The following UBE3C variants were observed in gnomAD, a reference collection of about 807,000 sequenced individuals.
UBE3C encodes the protein ubiquitin-protein ligase E3C.
In UBE3C, 42 loss-of-function variants were observed where a neutral mutation model predicts 129.4. That is an observed-to-expected ratio of 0.32 (90% CI 0.25 to 0.42). The LOEUF (loss-of-function observed/expected upper bound fraction) is 0.42. Among genes scored for constraint, UBE3C ranks in the 10% least tolerant of loss-of-function variants. The pLI is 1.00. For missense variants in UBE3C, 1,049 were observed against 1,319.1 expected, an observed-to-expected ratio of 0.80 and a Z score of 3.17; for synonymous variants, 510 against 492.4, an observed-to-expected ratio of 1.04 and a Z score of -0.47.
chr7:157,227,677 C>T (rs778291186), intron 17 of UBE3C, among the ~76,000 whole-genome samples: 6 of 150,868 alleles, frequency 4.0e-5, no homozygotes, highest in Non-Finnish European at 7.4e-5. Flanking sequence ...TCCAGCCTGG[C>T]AACAGAGTGA....
intron 4 of UBE3C, among the ~76,000 whole-genome samples, chr7:157,173,130 T>C (rs1808423300): frequency 6.6e-6 from 1 of 152,234 alleles, no homozygotes; most frequent in South Asian, 2.1e-4. Context: ...TACCAACACT[T>C]TGTGGGGCTG....
At chr7:157,140,827 G>T (rs891045507) in intron 1 of UBE3C, among the ~76,000 whole-genome samples, 1 of 152,230 alleles carries the variant, frequency 6.6e-6, no homozygotes, top group African/African-American at 2.4e-5. Context: ...AGGGAAGATA[G>T]CACGAGCTGT....
chr7:157,204,418 A>AT (rs1809376407), intron 11 of UBE3C, among the ~76,000 whole-genome samples: 1 of 150,430 alleles, frequency 6.6e-6, no homozygotes, highest in African/African-American at 2.4e-5. Flanking sequence ...AAAAAAAAAA[A>AT]TTTCAGCTTC....
At chr7:157,163,952 G>A (rs2116863271) in intron 2 of UBE3C, 89 bp downstream of exon 2, 2 of 1,214,032 alleles carry the variant, frequency 1.6e-6, no homozygotes, top group Non-Finnish European at 2.4e-6. Context: ...ATGTATGTGT[G>A]TATGTATTTT....
At chr7:157,176,605 ACTC>A (rs1388170853) in intron 5 of UBE3C, among the ~76,000 whole-genome samples, 1 of 151,936 alleles carries the variant, frequency 6.6e-6, no homozygotes, top group Admixed American at 6.6e-5. Flanking sequence ...ACAAGAAAAC[ACTC>A]CTCCTCATCT....
chr7:157,149,692 T>C (rs1468032491), intron 1 of UBE3C, among the ~76,000 whole-genome samples: 1 of 152,156 alleles, frequency 6.6e-6, no homozygotes, highest in African/African-American at 2.4e-5. Context: ...CCTTAAAAGG[T>C]TGAAAAAATA....
intron 10 of UBE3C, among the ~76,000 whole-genome samples, chr7:157,193,046 A>G (rs143172969): frequency 1.5e-4 from 23 of 152,226 alleles, no homozygotes; most frequent in African/African-American, 4.8e-4. Context: ...TCTGGTGTCA[A>G]TGCTGGAATG....
rs753050864 is a variant in UBE3C at position 157,139,347 on chromosome 7, C to T, written c.66+9C>T. ...GCGGCGCGAGCAGGAAGGTGAGGGC[C>T]GGGCTGGCGGGGCGCCCTCGGCTCG... On this transcript the variant is annotated intron_variant, in intron 1 of 22. Transcript: ENST00000348165. 1.2e-5 allele frequency: 19 copies of T among 1,570,056 alleles called. No individual in the cohort carries two copies. The East Asian group carries it at 3.6e-4, about 30-fold the overall frequency.
chr7:157,244,202 C>T (rs546803070), intron 18 of UBE3C, among the ~76,000 whole-genome samples: 3 of 152,100 alleles, frequency 2.0e-5, no homozygotes, highest in Non-Finnish European at 4.4e-5. Context: ...TCATTGCGCT[C>T]CAGCCTGGGC....
At chr7:157,184,765 C>CAAG (rs1808762332) in intron 9 of UBE3C, among the ~76,000 whole-genome samples, 1 of 152,114 alleles carries the variant, frequency 6.6e-6, no homozygotes, top group South Asian at 2.1e-4. Context: ...GCTGCACCTT[C>CAAG]CTGGACAAAG....
chr7:157,193,772 A>G (rs186905401), intron 10 of UBE3C, among the ~76,000 whole-genome samples: 1 of 151,322 alleles, frequency 6.6e-6, no homozygotes, highest in Non-Finnish European at 1.5e-5. Flanking sequence ...TTGTCTGTTC[A>G]TTGTGACATC....
intron 10 of UBE3C, among the ~76,000 whole-genome samples, chr7:157,195,557 T>C (rs1216962443): frequency 6.6e-6 from 1 of 152,160 alleles, no homozygotes; most frequent in Non-Finnish European, 1.5e-5. Context: ...AATTTCTGCT[T>C]TTTGAACAGG....
At chr7:157,238,573 G>A (rs563331444) in intron 18 of UBE3C, among the ~76,000 whole-genome samples, 1 of 152,284 alleles carries the variant, frequency 6.6e-6, no homozygotes, top group East Asian at 1.9e-4. Context: ...GACTAAGCTG[G>A]GAAAGGTGCG....
chr7:157,250,169 G>A (rs1796586500), intron 19 of UBE3C, among the ~76,000 whole-genome samples: 1 of 152,096 alleles, frequency 6.6e-6, no homozygotes, highest in South Asian at 2.1e-4. Flanking sequence ...TGTGGGGTTG[G>A]GAGCTCATAC....
chr7:157,227,255 C>T (rs1447098838), intron 17 of UBE3C, among the ~76,000 whole-genome samples: 2 of 152,056 alleles, frequency 1.3e-5, no homozygotes, highest in South Asian at 2.1e-4. Context: ...TGGAGCAGCA[C>T]CTGTAGGGGA....
rs371300314 is a variant in UBE3C, at chr7:157,262,409, C to CTTTTTTTTTT, written c.3082-5158_3082-5149dup. Among the ~76,000 whole-genome samples, 154 of 54,038 alleles carry CTTTTTTTTTT rather than the reference C, an allele frequency of 2.8e-3. 48 individuals carry two copies. Among genetic ancestry groups the CTTTTTTTTTT allele is most frequent in the Middle Eastern group, 0.031 (1 of 32 alleles). The allele number at this position is 54,038 out of a possible 152,430, so 35.5% of individuals were successfully genotyped here. ...AGAATCATGTAAGTCTCTTCATAGG[C>CTTTTTTTTTT]TTTTTTTTTTTTTTTTTTTTTTTTT... On this transcript the variant is annotated intron_variant, in intron 22 of 22. Coordinates refer to ENST00000348165, the MANE Select transcript of UBE3C (RefSeq NM_014671.3).
chr7:157,150,970 C>T (rs1195699586), intron 1 of UBE3C, among the ~76,000 whole-genome samples: 1 of 152,234 alleles, frequency 6.6e-6, no homozygotes, highest in Non-Finnish European at 1.5e-5. Flanking sequence ...CAGTTCTCGG[C>T]CGCTTGCGGG....
At chr7:157,160,610 TTGA>T (rs1808043760) in intron 1 of UBE3C, among the ~76,000 whole-genome samples, 1 of 152,176 alleles carries the variant, frequency 6.6e-6, no homozygotes, top group African/African-American at 2.4e-5. Flanking sequence ...ACTGAGCCAG[TTGA>T]TGTCTTAGTT....
At chr7:157,181,442 C>A in intron 6 of UBE3C, 76 bp from the exon 7 acceptor site, 1 of 1,326,166 alleles carries the variant, frequency 7.5e-7, no homozygotes, top group Non-Finnish European at 1.0e-6. Context: ...TGGTTAAAAG[C>A]ATTTAAAAAT....
Sources: gnomAD v4.1 joint callset for allele counts (sites outside exome capture counted in the v4.1 genomes callset) on GRCh38, gnomAD v4.1.1 for gene constraint, MANE v1.5 for transcripts, NCBI Gene and HGNC (gene_info 2026-07-23, HGNC 2026-07-21) for gene names.